HIP1R: variants seen among roughly 807,000 people sequenced by gnomAD.
The protein encoded by HIP1R is huntingtin-interacting protein 1-related protein.
HIP1R carries 135 observed loss-of-function variants against 144.2 expected under a neutral mutation model. That is an observed-to-expected ratio of 0.94 (90% CI 0.81 to 1.08). The LOEUF (loss-of-function observed/expected upper bound fraction) is 1.08, where lower values mean the gene tolerates loss of function less well. Ranked by LOEUF, HIP1R falls within the 50% of genes least tolerant of loss-of-function variation. The probability of loss-of-function intolerance (pLI) is 0.00; values close to 1 mark genes in which losing one functional copy is unlikely to be tolerated. For missense variants in HIP1R, 1,462 were observed against 1,432.8 expected (o/e 1.02, Z -0.33); for synonymous variants, 698 against 612.8 (o/e 1.14, Z -2.05).
Position 122,854,025 on chromosome 12 carries a change from C to T in HIP1R, c.578-18C>T, listed in dbSNP as rs2033478117. The T allele has an allele frequency of 2.5e-6, 4 of 1,611,710 alleles. No individual in the cohort carries two copies. Among genetic ancestry groups the T allele is most frequent in the Non-Finnish European group, 3.4e-6 (4 of 1,178,790 alleles). ...GCTCCCAAGGGCTCACGTTCTTCCT[C>T]CTGCCCCTTTTGCACAGTTTTCCGA... On this transcript the variant is annotated intron_variant, in intron 7 of 31. Transcript: ENST00000253083.
Position 122,851,225 on chromosome 12 carries a change from C to G in HIP1R, c.516-11C>G, listed in dbSNP as rs2033385335. The G allele has an allele frequency of 1.3e-6, 2 of 1,501,168 alleles. No homozygotes were observed. Among genetic ancestry groups the G allele is most frequent in the Non-Finnish European group, 8.8e-7 (1 of 1,131,118 alleles). 93.0% of individuals were successfully genotyped at this position (1,501,168 alleles called of 1,614,324 possible). ...CCCTTTTTCATTTCTTCCCCCACTTCTCTTGCGTAGCTTCCAGCTCACTGT... is the reference window on the plus strand; with the variant it reads ...CCCTTTTTCATTTCTTCCCCCACTTGTCTTGCGTAGCTTCCAGCTCACTGT... On this transcript the variant is annotated splice_polypyrimidine_tract_variant and intron_variant, in intron 6 of 31. Coordinates refer to ENST00000253083, the MANE Select transcript of HIP1R (RefSeq NM_003959.3).
chr12:122,847,485 T>C (rs3817094), intron 1 of HIP1R, among the ~76,000 whole-genome samples: 127,685 of 152,236 alleles, frequency 0.84, 53,880 homozygotes, highest in Middle Eastern at 0.91. Context: ...TTTGACAGGG[T>C]GAGGCCCCAC....
intron 1 of HIP1R, among the ~76,000 whole-genome samples, chr12:122,837,271 TA>T (rs2032928037): frequency 6.6e-6 from 1 of 152,084 alleles, no homozygotes; most frequent in South Asian, 2.1e-4. Context: ...GAATCTCTGA[TA>T]CAGGACCACA....
intron 5 of HIP1R, 189 bp downstream of exon 5, chr12:122,850,144 T>C (rs1204937612): frequency 1.4e-6 from 1 of 693,624 alleles, no homozygotes; most frequent in Non-Finnish European, 2.6e-6. Flanking sequence ...CCTAGAACAC[T>C]TCAGGCATTT....
At chr12:122,848,633 TC>T (rs1180838333) in intron 3 of HIP1R, 25 bp downstream of exon 3, 19 of 1,601,818 alleles carry the variant, frequency 1.2e-5, no homozygotes, top group Non-Finnish European at 1.6e-5. Context: ...CTGCCTCTGC[TC>T]CCCGGAGCTG....
rs1379597769 is a variant in HIP1R, at chr12:122,860,773, G to A, written c.2755G>A (p.Ala919Thr). ...EIAASTAQLV[A>T]ASKVKANKHS... Reference sequence around the variant, plus strand: ...CGCAGCCAGCACGGCCCAGCTGGTGGCGGCCTCCAAGGTGAGCTTGCACGC... The same window carrying A: ...CGCAGCCAGCACGGCCCAGCTGGTGACGGCCTCCAAGGTGAGCTTGCACGC... The change falls in exon 28 of 32, where the codon GCG (alanine) becomes ACG (threonine). Residue 919 changes from alanine to threonine, a missense_variant. Ala to Thr is a moderately conservative substitution (Grantham distance 58, BLOSUM62 0). Coordinates refer to ENST00000253083, the MANE Select transcript of HIP1R (RefSeq NM_003959.3). 1.9e-6 allele frequency: 3 copies of A among 1,612,488 alleles called. No homozygotes were observed. The highest frequency in any genetic ancestry group is 1.7e-4 in the Middle Eastern group (1 of 6,056).
At chr12:122,849,070 TCAC>T (rs2033297538) in intron 4 of HIP1R, among the ~76,000 whole-genome samples, 1 of 152,242 alleles carries the variant, frequency 6.6e-6, no homozygotes, top group South Asian at 2.1e-4. Flanking sequence ...AGCGTCGAAG[TCAC>T]CCGGGCCCTT....
rs372878396 is a variant in HIP1R at position 122,858,339 on chromosome 12, G to C, written c.1964-10G>C. ...GGTGGCAGGGGCCTCAGTTCTCCTCGTGCTTGCAGACTACCTGGTGAGCAG... is the reference window on the plus strand; with the variant it reads ...GGTGGCAGGGGCCTCAGTTCTCCTCCTGCTTGCAGACTACCTGGTGAGCAG... On this transcript the variant is annotated splice_polypyrimidine_tract_variant and intron_variant, in intron 19 of 31. Coordinates refer to ENST00000253083, the MANE Select transcript of HIP1R (RefSeq NM_003959.3). 6.2e-7 allele frequency: 1 copy of C among 1,605,424 alleles called. No individual in the cohort carries two copies. Among genetic ancestry groups the C allele is most frequent in the Non-Finnish European group, 8.5e-7 (1 of 1,174,824 alleles).
In HIP1R at chr12:122,859,031, G is replaced by A. The variant is rs1482628266; in HGVS notation, c.2159-30G>A. 1.9e-6 allele frequency: 3 copies of A among 1,606,770 alleles called. No individual in the cohort carries two copies. In the African/African-American group the frequency reaches 4.0e-5, roughly 21 times the overall value. On this transcript the variant is annotated intron_variant, in intron 21 of 31. Coordinates refer to ENST00000253083, the MANE Select transcript of HIP1R (RefSeq NM_003959.3). ...CCTTATGGAGCCTGTCGGTGGGGGG[G>A]GCTCCACTCACGGTCCTTTCTCACC...
rs1270377822 is a variant in HIP1R at position 122,856,719 on chromosome 12, C to T, written c.1613C>T (p.Thr538Ile). The change falls in exon 17 of 32, where the codon ACA (threonine) becomes ATA (isoleucine). Residue 538 changes from threonine (T) to isoleucine (I), a missense_variant. Thr to Ile is a moderately conservative substitution (Grantham distance 89). Transcript: ENST00000253083. ...LARAQEALSH[T>I]EQSKSELSSR... ...CGCGCGCAGGAGGCCCTGAGCCACA[C>T]AGAGCAGGTGCATCTGGCTTTGATG... 9.5e-6 allele frequency: 15 copies of T among 1,573,332 alleles called. No individual in the cohort carries two copies. Among genetic ancestry groups the T allele is most frequent in the Non-Finnish European group, 1.1e-5 (13 of 1,159,832 alleles).
In HIP1R at chr12:122,861,295, C is replaced by T. The variant is rs182054316; in HGVS notation, c.2953-13C>T. ...GGAGGCTGGGCTGGGCTGAGCAGGC[C>T]GTGTGGCTACAGGTGCGTGTCCTGG... On this transcript the variant is annotated splice_polypyrimidine_tract_variant and intron_variant, in intron 30 of 31. Transcript: ENST00000253083. The T allele has an allele frequency of 1.5e-5, 25 of 1,613,576 alleles. No homozygotes were observed. The highest frequency in any genetic ancestry group is 1.2e-4 in the Admixed American group (7 of 60,016).
rs142912185 is a variant in HIP1R at position 122,859,935 on chromosome 12, C to G, written c.2465+105C>G. ...GCTCACGGGAAAGGAAGGCCTGGCT[C>G]AGAGCAGACACTCCCTCCCCACCTG... On this transcript the variant is annotated intron_variant, in intron 24 of 31. Coordinates refer to ENST00000253083, the MANE Select transcript of HIP1R (RefSeq NM_003959.3). The G allele has an allele frequency of 2.9e-4, 424 of 1,463,026 alleles. 1 individual carries two copies. In the African/African-American group the frequency reaches 5.5e-3, roughly 19 times the overall value. The allele number at this position is 1,463,026 out of a possible 1,614,324, so 90.6% of individuals were successfully genotyped here.
Position 122,848,821 on chromosome 12 carries a change from G to T in HIP1R, c.326G>T (p.Arg109Leu). ...GTGCTGCATGACTGCCAGCGGTACC[G>T]CAGCAACATCCGGGAGATTGGAGAC... ...PNVLHDCQRY[R>L]SNIREIGDLW... Residue 109 changes from arginine to leucine, a missense_variant, in exon 4 of 32, where the codon CGC (arginine) becomes CTC (leucine). Transcript: ENST00000253083. 6.2e-7 allele frequency: 1 copy of T among 1,613,274 alleles called. No homozygotes were observed. Among genetic ancestry groups the T allele is most frequent in the Non-Finnish European group, 8.5e-7 (1 of 1,179,996 alleles).
chr12:122,839,801 T>C (rs2033006021), intron 1 of HIP1R, among the ~76,000 whole-genome samples: 1 of 152,236 alleles, frequency 6.6e-6, no homozygotes, highest in African/African-American at 2.4e-5. Flanking sequence ...TTTACATTCT[T>C]TTTCTCCTAC....
chr12:122,851,319 CG>C, intron 7 of HIP1R, 22 bp downstream of exon 7: 1 of 1,521,842 alleles, frequency 6.6e-7, no homozygotes, highest in Non-Finnish European at 8.8e-7. Context: ...AGAGGGGATG[CG>C]GGGGTCTGAG....
chr12:122,848,198 T>G, intron 2 of HIP1R, 104 bp downstream of exon 2: 1 of 1,268,016 alleles, frequency 7.9e-7, no homozygotes, highest in Non-Finnish European at 1.1e-6. Context: ...ACAAGTTCCC[T>G]CACTGAGCCC....
At position 122,861,417 on chromosome 12, in the gene HIP1R, A is replaced by G; in HGVS notation, c.3062A>G (p.Glu1021Gly). ...LAGASGSPGE[E>G]VAIRPSTAPR... ...GGGGCATCAGGCAGCCCTGGAGAGGAGGTGGCCATCCGGCCCAGCACTGCC... is the reference window on the plus strand; with the variant it reads ...GGGGCATCAGGCAGCCCTGGAGAGGGGGTGGCCATCCGGCCCAGCACTGCC... The change falls in exon 31 of 32, where the codon GAG (glutamate) becomes GGG (glycine). Residue 1021 changes from glutamate to glycine, a missense_variant. By Grantham distance (98) the Glu-to-Gly change is moderately conservative (BLOSUM62 -2). Transcript: ENST00000253083. 1 of 1,613,430 alleles carries G rather than the reference A, an allele frequency of 6.2e-7. No homozygotes were observed. The highest frequency in any genetic ancestry group is 8.5e-7 in the Non-Finnish European group (1 of 1,179,874).
At position 122,856,431 on chromosome 12, in the gene HIP1R, G is replaced by T; in HGVS notation, c.1402-1G>T. ...CATGAGCCCTTCCCCTGCCCATGCA[G>T]AACGCGGACACAGCCAAGCAGCTGA... On this transcript the variant is annotated splice_acceptor_variant, in intron 15 of 31. Transcript: ENST00000253083. LOFTEE classifies it high-confidence loss of function. The T allele has an allele frequency of 6.3e-7, 1 of 1,597,158 alleles. No homozygotes were observed. Among genetic ancestry groups the T allele is most frequent in the Non-Finnish European group, 8.5e-7 (1 of 1,171,808 alleles).
chr12:122,859,009 T>TA, intron 21 of HIP1R, 52 bp from the exon 22 acceptor site: 1 of 1,573,610 alleles, frequency 6.4e-7, no homozygotes, highest in Non-Finnish European at 8.6e-7. Context: ...TGGGGGTCCT[T>TA]ATGGAGCCTG....
Sources: allele counts gnomAD v4.1 joint callset (sites outside exome capture counted in the v4.1 genomes callset), GRCh38; gene constraint gnomAD v4.1.1; transcripts MANE v1.5; gene names NCBI Gene and HGNC (gene_info 2026-07-23, HGNC 2026-07-21).